The following DISC1 variants were observed in gnomAD, a reference collection of about 807,000 sequenced individuals.
DISC1 encodes DISC1 scaffold protein.
A neutral mutation model predicts 84.5 loss-of-function variants in DISC1; 57 were observed. The ratio of observed to expected loss-of-function variants is 0.67; its 90% CI spans 0.55 to 0.84. The LOEUF is 0.84. Ranked by LOEUF, DISC1 falls within the 40% of genes least tolerant of loss-of-function variation. The pLI is 0.00. For synonymous variants in DISC1, 411 were observed against 415.2 expected (o/e 0.99, Z 0.12); for missense variants, 1,000 against 1,057.8 (o/e 0.95, Z 0.76).
At chr1:231,886,768 T>G (rs559431417) in intron 9 of DISC1, among the ~76,000 whole-genome samples, 631 of 28,592 alleles carry the variant, frequency 0.022, 10 homozygotes, top group African/African-American at 0.073. Flanking sequence ...CCTTCCTTCC[T>G]TTCTTTCTTT....
At chr1:231,756,190 T>C (rs1271233812) in intron 4 of DISC1, among the ~76,000 whole-genome samples, 1 of 152,268 alleles carries the variant, frequency 6.6e-6, no homozygotes, top group Non-Finnish European at 1.5e-5. Context: ...TGTTACCAAC[T>C]ATTTCCCATT....
chr1:231,876,394 T>G (rs768637959), intron 9 of DISC1, among the ~76,000 whole-genome samples: 31 of 152,226 alleles, frequency 2.0e-4, no homozygotes, highest in Non-Finnish European at 4.0e-4. Context: ...TCATGCTGAC[T>G]GTAAAGCCTG....
At chr1:231,861,945 GA>G (rs149258437) in intron 9 of DISC1, among the ~76,000 whole-genome samples, 8 of 151,754 alleles carry the variant, frequency 5.3e-5, no homozygotes, top group African/African-American at 1.2e-4. Context: ...AGTTCTCCAG[GA>G]AAAAAAAGTC....
At chr1:231,746,174 A>T (rs2073959289) in intron 3 of DISC1, among the ~76,000 whole-genome samples, 2 of 152,232 alleles carry the variant, frequency 1.3e-5, no homozygotes, top group Admixed American at 6.5e-5. Context: ...AAGCAAACTC[A>T]TTTTAGCTTC....
At chr1:231,814,189 G>A (rs1268588480) in intron 8 of DISC1, among the ~76,000 whole-genome samples, 8 of 152,122 alleles carry the variant, frequency 5.3e-5, no homozygotes, top group Admixed American at 3.9e-4. Flanking sequence ...TGTTTAAAAG[G>A]AAGTGTTCTG....
chr1:231,922,062 C>T (rs1441487200), intron 9 of DISC1, among the ~76,000 whole-genome samples: 2 of 152,138 alleles, frequency 1.3e-5, no homozygotes, highest in Non-Finnish European at 2.9e-5. Context: ...ATGCGGCCAC[C>T]TAAAACTGTC....
intron 10 of DISC1, among the ~76,000 whole-genome samples, chr1:231,964,039 G>A (rs1351511237): frequency 6.6e-6 from 1 of 152,156 alleles, no homozygotes; most frequent in East Asian, 1.9e-4. Context: ...CGGGCTGTCT[G>A]CTTGTGGATT....
chr1:231,788,325 G>A (rs1368569773), intron 6 of DISC1, among the ~76,000 whole-genome samples: 2 of 152,030 alleles, frequency 1.3e-5, no homozygotes, highest in Admixed American at 1.3e-4. Context: ...GTGTCAGCAG[G>A]GTTGCTTCCT....
At chr1:231,838,763 G>A (rs933958972) in intron 9 of DISC1, among the ~76,000 whole-genome samples, 2 of 152,220 alleles carry the variant, frequency 1.3e-5, no homozygotes, top group African/African-American at 2.4e-5. Flanking sequence ...GATGCATTTT[G>A]TAGGACTGTG....
At chr1:231,810,725 T>G (rs527525640) in intron 8 of DISC1, among the ~76,000 whole-genome samples, 1 of 152,286 alleles carries the variant, frequency 6.6e-6, no homozygotes, top group African/African-American at 2.4e-5. Flanking sequence ...GTGTGCTTGG[T>G]CAGGGGACCA....
At chr1:231,663,329 C>T (rs2061717075) in intron 1 of DISC1, among the ~76,000 whole-genome samples, 4 of 152,164 alleles carry the variant, frequency 2.6e-5, no homozygotes, top group Admixed American at 1.3e-4. Flanking sequence ...CAAATGTTGA[C>T]AGAAATGAAG....
intron 10 of DISC1, among the ~76,000 whole-genome samples, chr1:231,976,862 A>C (rs1176748288): frequency 1.3e-5 from 2 of 152,248 alleles, no homozygotes; most frequent in Non-Finnish European, 2.9e-5. Flanking sequence ...ACAGGCAGTG[A>C]TAGTATCAAT....
At chr1:232,034,815 T>C (rs924888572) in intron 12 of DISC1, among the ~76,000 whole-genome samples, 5 of 152,246 alleles carry the variant, frequency 3.3e-5, no homozygotes, top group African/African-American at 9.6e-5. Flanking sequence ...GGACCACTTA[T>C]GCTTTTGCTT....
chr1:231,906,404 A>T (rs761633192), intron 9 of DISC1, among the ~76,000 whole-genome samples: 2 of 152,214 alleles, frequency 1.3e-5, no homozygotes, highest in Non-Finnish European at 2.9e-5. Context: ...TGAGGATAGC[A>T]TCCCTACTAT....
chr1:232,009,380 T>C lies in DISC1; in HGVS notation c.2307+331T>C. 1 of 796,166 alleles carries C rather than the reference T, an allele frequency of 1.3e-6. No individual in the cohort carries two copies. Among genetic ancestry groups the C allele is most frequent in the Non-Finnish European group, 1.6e-6 (1 of 642,268 alleles). The allele number at this position is 796,166 out of a possible 1,614,324, so 49.3% of individuals were successfully genotyped here. On this transcript the variant is annotated intron_variant, in intron 11 of 12. Transcript: ENST00000439617. The surrounding 1 kb of genome is among the most constrained non-coding windows in gnomAD (Gnocchi z 4.6). Reference sequence around the variant, plus strand: ...GTCATATATAATATAGTTATTATATTCACTATAGATTATATATGCCATACA... The same window carrying C: ...GTCATATATAATATAGTTATTATATCCACTATAGATTATATATGCCATACA...
chr1:231,958,630 C>T (rs890114973), intron 9 of DISC1, among the ~76,000 whole-genome samples, 198 bp from the exon 10 acceptor site: 2 of 152,220 alleles, frequency 1.3e-5, no homozygotes, highest in African/African-American at 4.8e-5. Flanking sequence ...CCTGCAGAGA[C>T]ACTCAGAGCC....
At chr1:231,733,084 A>C (rs1445042342) in intron 3 of DISC1, among the ~76,000 whole-genome samples, 2 of 6,886 alleles carry the variant, frequency 2.9e-4, no homozygotes, top group South Asian at 5.2e-3. Context: ...GTAATGGTAG[A>C]AGCAGTGGGT....
chr1:231,727,184 G>C (rs1349111274), intron 3 of DISC1, among the ~76,000 whole-genome samples: 1 of 152,144 alleles, frequency 6.6e-6, no homozygotes, highest in Non-Finnish European at 1.5e-5. Context: ...TCGTGTTATA[G>C]CTTGCTTTTT....
chr1:231,805,214 A>G (rs1434761178), intron 8 of DISC1, among the ~76,000 whole-genome samples: 1 of 152,010 alleles, frequency 6.6e-6, no homozygotes, highest in Non-Finnish European at 1.5e-5. Context: ...TTTCCTGTTC[A>G]GCAGAGGATA....
Sources: gnomAD v4.1 joint callset for allele counts (sites outside exome capture counted in the v4.1 genomes callset) on GRCh38, gnomAD v4.1.1 for gene constraint, Gnocchi (gnomAD v3.1) non-coding constraint, MANE v1.5 for transcripts, NCBI Gene and HGNC (gene_info 2026-07-23, HGNC 2026-07-21) for gene names.